Variants in TENM3 observed in about 807,000 individuals in gnomAD.
TENM3 encodes the protein teneurin transmembrane protein 3.
A neutral mutation model predicts 255.1 loss-of-function variants in TENM3; 63 were observed. That is an observed-to-expected ratio of 0.25 (90% CI 0.20 to 0.30). TENM3 has a LOEUF of 0.30. TENM3 is among the 10% of genes least tolerant of loss of function. The pLI is 1.00. For missense variants in TENM3, 2,929 were observed against 3,461.1 expected (o/e 0.85, Z 3.86); for synonymous variants, 1,306 against 1,322.3 (o/e 0.99, Z 0.27).
chr4:182,545,820 C>T (rs1257914503), intron 3 of TENM3, among the ~76,000 whole-genome samples: 3 of 152,132 alleles, frequency 2.0e-5, no homozygotes, highest in Non-Finnish European at 4.4e-5. Flanking sequence ...TGCATCTTTT[C>T]ATAGGAATTA....
intron 1 of TENM3, among the ~76,000 whole-genome samples, chr4:182,220,578 G>GC (rs1662882183): frequency 1.3e-5 from 2 of 151,964 alleles, no homozygotes; most frequent in Non-Finnish European, 2.9e-5. Flanking sequence ...TGAGTCCGTG[G>GC]CCCTGTAGAT....
At chr4:181,988,485 A>G in the TENM3 span, among the ~76,000 whole-genome samples, 1 of 151,994 alleles carries the variant, frequency 6.6e-6, no homozygotes, top group Non-Finnish European at 1.5e-5. Flanking sequence ...AGCCAGGAAC[A>G]CAGCTGTTGT....
chr4:182,621,680 AAT>A, intron 4 of TENM3, among the ~76,000 whole-genome samples: 1 of 15,252 alleles, frequency 6.6e-5, no homozygotes, highest in Non-Finnish European at 1.3e-4. Context: ...ATATATATAA[AAT>A]ATATAATATA....
At chr4:181,862,527 A>T in the TENM3 span, among the ~76,000 whole-genome samples, 1 of 152,236 alleles carries the variant, frequency 6.6e-6, no homozygotes, top group Middle Eastern at 3.4e-3. Flanking sequence ...GCAGAAAAAA[A>T]ATATATCTCA....
At chr4:182,094,826 G>C in the TENM3 span, among the ~76,000 whole-genome samples, 1 of 151,914 alleles carries the variant, frequency 6.6e-6, no homozygotes, top group Non-Finnish European at 1.5e-5. Flanking sequence ...GAGATGACAG[G>C]CTTCAGGAAA....
intron 1 of TENM3, among the ~76,000 whole-genome samples, chr4:182,283,768 G>A (rs1464803639): frequency 6.6e-6 from 1 of 152,218 alleles, no homozygotes; most frequent in East Asian, 1.9e-4. Flanking sequence ...AGGAAAGAAA[G>A]AATGGGCAGA....
the TENM3 span, among the ~76,000 whole-genome samples, chr4:181,743,643 G>A: frequency 6.6e-6 from 1 of 152,024 alleles, no homozygotes; most frequent in East Asian, 1.9e-4. Flanking sequence ...AGGAGTGTGG[G>A]CACCAGGGCA....
At chr4:181,912,769 CAA>C in the TENM3 span, among the ~76,000 whole-genome samples, 246 of 83,580 alleles carry the variant, frequency 2.9e-3, 1 homozygote, top group African/African-American at 8.4e-3. Context: ...AAGACTATCT[CAA>C]AAAAAAAAAA....
rs112691439 is a variant in TENM3, at chr4:182,565,163, G to T, written c.512-35761G>T. Among the ~76,000 whole-genome samples, 1,489 of 152,232 alleles carry T rather than the reference G, an allele frequency of 9.8e-3. 30 individuals carry two copies. Among genetic ancestry groups the T allele is most frequent in the African/African-American group, 0.034 (1,422 of 41,524 alleles). On this transcript the variant is annotated intron_variant, in intron 3 of 27. Coordinates refer to ENST00000511685, the MANE Select transcript of TENM3 (RefSeq NM_001080477.4). Reference sequence around the variant, plus strand: ...AAAGTACACGTCTTAATGGAACAGGGTTGAATTATCAGAGCTATTCCTGGT... The same window carrying T: ...AAAGTACACGTCTTAATGGAACAGGTTTGAATTATCAGAGCTATTCCTGGT...
At chr4:182,593,580 G>T (rs1321157202) in intron 3 of TENM3, among the ~76,000 whole-genome samples, 1 of 152,106 alleles carries the variant, frequency 6.6e-6, no homozygotes, top group Non-Finnish European at 1.5e-5. Flanking sequence ...GTGTAGCCAG[G>T]CCACATGGAG....
At chr4:181,565,146 T>C in the TENM3 span, among the ~76,000 whole-genome samples, 2 of 152,256 alleles carry the variant, frequency 1.3e-5, no homozygotes, top group Admixed American at 6.5e-5. Context: ...ACATAGTTGA[T>C]TTTTGTTACA....
At chr4:182,033,999 T>C in the TENM3 span, among the ~76,000 whole-genome samples, 2 of 152,146 alleles carry the variant, frequency 1.3e-5, no homozygotes, top group African/African-American at 2.4e-5. Flanking sequence ...GACTGGGTAA[T>C]GTTTAAAGGA....
chr4:181,719,784 A>G, the TENM3 span, among the ~76,000 whole-genome samples: 2 of 152,240 alleles, frequency 1.3e-5, no homozygotes, highest in Non-Finnish European at 2.9e-5. Flanking sequence ...CATAAATTCA[A>G]CTTACACAGA....
Position 182,789,770 on chromosome 4 carries a change from A to G in TENM3, c.5601+381A>G, listed in dbSNP as rs1393680162. On this transcript the variant is annotated intron_variant, in intron 25 of 27. Transcript: ENST00000511685. This position sits in a 1 kb window ranked among gnomAD's most constrained non-coding sequence, Gnocchi z 4.4. ...GAGAGCCTTACATTAGCACAGTTAAAGCTGTCAGCTTTGTGTTATTCCTGG... is the reference window on the plus strand; with the variant it reads ...GAGAGCCTTACATTAGCACAGTTAAGGCTGTCAGCTTTGTGTTATTCCTGG... Among the ~76,000 whole-genome samples the G allele has an allele frequency of 6.6e-6, 1 of 152,344 alleles. No individual in the cohort carries two copies.
chr4:181,679,543 T>C, the TENM3 span, among the ~76,000 whole-genome samples: 22 of 152,178 alleles, frequency 1.4e-4, no homozygotes, highest in African/African-American at 4.8e-4. Context: ...ACTGGAAATA[T>C]TTCCATGATT....
the TENM3 span, among the ~76,000 whole-genome samples, chr4:181,476,307 G>T: frequency 1.3e-5 from 2 of 151,516 alleles, no homozygotes; most frequent in African/African-American, 4.9e-5. Flanking sequence ...ATTCAGGCTG[G>T]CTCCGAATGC....
chr4:181,782,613 T>G, the TENM3 span, among the ~76,000 whole-genome samples: 3 of 152,340 alleles, frequency 2.0e-5, no homozygotes, highest in Non-Finnish European at 4.4e-5. Flanking sequence ...TTTGTGTCTG[T>G]ATCTCCTTCA....
At chr4:182,424,713 G>C (rs2151157261) in intron 3 of TENM3, among the ~76,000 whole-genome samples, 1 of 152,192 alleles carries the variant, frequency 6.6e-6, no homozygotes, top group South Asian at 2.1e-4. Flanking sequence ...TTTGCTAGCG[G>C]CAAGATAGGG....
intron 1 of TENM3, among the ~76,000 whole-genome samples, chr4:182,272,502 G>A (rs1234747896): frequency 6.6e-6 from 1 of 152,124 alleles, no homozygotes; most frequent in Non-Finnish European, 1.5e-5. Flanking sequence ...CTGAGAACAA[G>A]GGCAGAAACA....
Sources: gnomAD v4.1 joint callset for allele counts (sites outside exome capture counted in the v4.1 genomes callset) on GRCh38, gnomAD v4.1.1 for gene constraint, Gnocchi (gnomAD v3.1) non-coding constraint, MANE v1.5 for transcripts, NCBI Gene and HGNC (gene_info 2026-07-23, HGNC 2026-07-21) for gene names.